The following OPHN1 variants were observed in gnomAD, a reference collection of about 807,000 sequenced individuals.
The protein encoded by OPHN1 is oligophrenin 1.
A neutral mutation model predicts 60.7 loss-of-function variants in OPHN1; 11 were observed. That is an observed-to-expected ratio of 0.18 (90% CI 0.11 to 0.30). The LOEUF is 0.30. Ranked by LOEUF, OPHN1 falls within the 10% of genes least tolerant of loss-of-function variation. The pLI, the probability that OPHN1 is intolerant of heterozygous loss-of-function variation, is 1.00. For missense variants in OPHN1, 449 were observed against 611.0 expected, an observed-to-expected ratio of 0.73 and a Z score of 2.80; for synonymous variants, 226 against 222.6, an observed-to-expected ratio of 1.02 and a Z score of -0.14.
intron 4 of OPHN1, among the ~76,000 whole-genome samples, chrX:68,277,673 C>T (rs998235935): frequency 5.4e-5 from 6 of 111,057 alleles, no homozygotes; most frequent in African/African-American, 1.3e-4. Context: ...TGCCTGTAAT[C>T]CCAGCTACTC....
intron 20 of OPHN1, chrX:68,071,151 G>T: frequency 1.3e-6 from 1 of 790,411 alleles, no homozygotes; most frequent in Non-Finnish European, 2.0e-6. Flanking sequence ...GAATGGCCAG[G>T]AAGGGTCGCT....
intron 15 of OPHN1, among the ~76,000 whole-genome samples, chrX:68,166,124 A>G (rs2077357180): frequency 8.9e-6 from 1 of 112,626 alleles, no homozygotes; most frequent in Non-Finnish European, 1.9e-5. Context: ...ATTGGTAAAA[A>G]TCTTTCAGAT....
rs1266981689 is a variant in OPHN1 at position 68,426,569 on chromosome X, T to TATATATATATATAA, written c.154+6297_154+6298insTTATATATATATAT. Among the ~76,000 whole-genome samples the TATATATATATATAA allele has an allele frequency of 7.9e-3, 329 of 41,596 alleles. 43 individuals are homozygous for TATATATATATATAA. The highest frequency in any genetic ancestry group is 0.059 in the Admixed American group (194 of 3,295). The allele number at this position is 41,596 out of a possible 115,157, so 36.1% of individuals were successfully genotyped here. A position where few individuals can be genotyped will look rare whatever the true frequency, so the allele number is the denominator to read the frequency against. ...CATCTGTTTTATATATATATATATA[T>TATATATATATATAA]ACATACACAGAGGCTGGGCGTGATG... On this transcript the variant is annotated intron_variant, in intron 2 of 24. Coordinates refer to ENST00000355520, the MANE Select transcript of OPHN1 (RefSeq NM_002547.3).
rs919540784 is a variant in OPHN1, at chrX:68,393,959, G to A, written c.154+38908C>T. 1.2e-3 allele frequency among the ~76,000 whole-genome samples: 106 copies of A among 87,823 alleles called. 1 individual carries two copies. The highest frequency in any genetic ancestry group is 4.1e-3 in the African/African-American group (97 of 23,604). 76.3% of individuals were successfully genotyped at this position (87,823 alleles called of 115,157 possible). On this transcript the variant is annotated intron_variant, in intron 2 of 24. Transcript: ENST00000355520. ...TGCCCAGGCTGGAGTGCAGTGGCGC[G>A]ATCTCGGCTCACTGCAAGCTCCGCC...
At chrX:68,048,096 G>A (rs2076838187) in intron 24 of OPHN1, among the ~76,000 whole-genome samples, 1 of 111,904 alleles carries the variant, frequency 8.9e-6, no homozygotes, top group South Asian at 3.7e-4. Flanking sequence ...CTGAGGCTCA[G>A]AGAAGTAAAT....
At chrX:68,070,291 G>GC (rs2076928248) in intron 20 of OPHN1, among the ~76,000 whole-genome samples, 8 of 111,135 alleles carry the variant, frequency 7.2e-5, no homozygotes, top group Non-Finnish European at 1.5e-4. Flanking sequence ...AATGCACAAT[G>GC]GTTTAGTCAC....
At chrX:68,308,929 G>A (rs2078159644) in intron 2 of OPHN1, among the ~76,000 whole-genome samples, 1 of 109,435 alleles carries the variant, frequency 9.1e-6, no homozygotes, top group East Asian at 2.9e-4. Flanking sequence ...ACAGCTGTGC[G>A]CCATGACACC....
At chrX:68,132,182 A>C (rs987893677) in intron 15 of OPHN1, among the ~76,000 whole-genome samples, 1 of 110,525 alleles carries the variant, frequency 9.0e-6, no homozygotes. Context: ...CATTTGACCC[A>C]GCCATCCCAT....
chrX:68,210,289 A>G lies in OPHN1; in HGVS notation c.703-7T>C, dbSNP rs751367401. ...TGGAGAAATGATTTCTTGTCTGTCA[A>G]GACATCATCATGAAAATCATTATTA... is the stretch of plus-strand genomic sequence containing the variant. On this transcript the variant is annotated splice_region_variant and splice_polypyrimidine_tract_variant and intron_variant, in intron 8 of 24. Transcript: ENST00000355520. 1.7e-6 allele frequency: 2 copies of G among 1,200,371 alleles called. No homozygotes were observed. The highest frequency in any genetic ancestry group is 2.2e-5 in the Admixed American group (1 of 45,899).
At position 68,269,274 on chromosome X, in the gene OPHN1, C is replaced by T. The variant is rs775603118; in HGVS notation, c.384+5464G>A. 9.7e-3 allele frequency among the ~76,000 whole-genome samples: 1,074 copies of T among 111,279 alleles called. 16 individuals are homozygous for T. Among genetic ancestry groups the T allele is most frequent in the African/African-American group, 0.034 (1,027 of 30,551 alleles). On this transcript the variant is annotated intron_variant, in intron 5 of 24. Transcript: ENST00000355520. The stretch of plus-strand genomic sequence containing the variant: ...TATGGAACCAAAAAAGAGCCCACAT[C>T]GCCAAGTCAATCCTAAGCCAAAAGA...
chrX:68,305,066 T>A (rs1010798736), intron 2 of OPHN1, among the ~76,000 whole-genome samples: 32 of 110,030 alleles, frequency 2.9e-4, no homozygotes, highest in Non-Finnish European at 4.7e-4. Context: ...TAAAAAAAAA[T>A]AATAATAATT....
At chrX:68,083,198 G>A (rs957209772) in intron 19 of OPHN1, among the ~76,000 whole-genome samples, 113 of 100,292 alleles carry the variant, frequency 1.1e-3, no homozygotes, top group Middle Eastern at 0.01. Context: ...TCAGCCTCCC[G>A]AGTAGCTGGG....
chrX:68,284,606 T>C (rs1312123003), intron 3 of OPHN1, among the ~76,000 whole-genome samples: 1 of 111,778 alleles, frequency 8.9e-6, no homozygotes, highest in East Asian at 2.8e-4. Context: ...GCTTTTAGTA[T>C]ATTCACAAAG....
At chrX:68,112,666 A>G (rs1419589717) in intron 17 of OPHN1, among the ~76,000 whole-genome samples, 1 of 112,456 alleles carries the variant, frequency 8.9e-6, no homozygotes, top group African/African-American at 3.2e-5. Context: ...TTAATCGCCA[A>G]CTTTTGGGAG....
chrX:68,269,032 G>T (rs1160096357), intron 5 of OPHN1, among the ~76,000 whole-genome samples: 1 of 111,438 alleles, frequency 9.0e-6, no homozygotes, highest in Non-Finnish European at 1.9e-5. Context: ...ACTTACAAGG[G>T]ACATGAAGGA....
chrX:68,160,384 G>A lies in OPHN1; in HGVS notation c.1276+32535C>T, dbSNP rs181148115. Among the ~76,000 whole-genome samples, 296 of 111,188 alleles carry A rather than the reference G, an allele frequency of 2.7e-3. 2 individuals are homozygous for A. The highest frequency in any genetic ancestry group is 9.0e-3 in the African/African-American group (277 of 30,751). On this transcript the variant is annotated intron_variant, in intron 15 of 24. Transcript: ENST00000355520. ...TGATGAATAGAACAACTAGGCAGAA[G>A]ATGAATAGGAAATAGAAGACATTAA...
intron 2 of OPHN1, among the ~76,000 whole-genome samples, chrX:68,394,510 GTTTAT>G (rs747981901): frequency 3.6e-5 from 4 of 111,762 alleles, no homozygotes; most frequent in Non-Finnish European, 5.6e-5. Flanking sequence ...TTTGCACTGA[GTTTAT>G]TTTAATAAAT....
intron 15 of OPHN1, among the ~76,000 whole-genome samples, chrX:68,170,897 C>T (rs1034996593): frequency 9.2e-6 from 1 of 108,349 alleles, no homozygotes; most frequent in South Asian, 4.2e-4. Flanking sequence ...CTAAACTGCA[C>T]ATTGTGCACA....
At chrX:68,112,676 G>A (rs1160325528) in intron 17 of OPHN1, among the ~76,000 whole-genome samples, 2 of 112,430 alleles carry the variant, frequency 1.8e-5, no homozygotes, top group Non-Finnish European at 3.8e-5. Context: ...ACTTTTGGGA[G>A]TGATTCTCTA....
Sources: allele counts gnomAD v4.1 joint callset (sites outside exome capture counted in the v4.1 genomes callset), GRCh38; gene constraint gnomAD v4.1.1; transcripts MANE v1.5; gene names NCBI Gene and HGNC (gene_info 2026-07-23, HGNC 2026-07-21).